The following TAFA1 variants were observed in gnomAD, a reference collection of about 807,000 sequenced individuals.
The protein encoded by TAFA1 is TAFA chemokine like family member 1.
A neutral mutation model predicts 18.5 loss-of-function variants in TAFA1; 4 were observed. The observed-to-expected ratio is 0.22, with a 90% CI of 0.11 to 0.49. TAFA1 has a LOEUF of 0.49. Ranked by LOEUF, TAFA1 falls within the 20% of genes least tolerant of loss-of-function variation. TAFA1 has a pLI of 0.98. For synonymous variants in TAFA1, 56 were observed against 55.2 expected, an observed-to-expected ratio of 1.01 and a Z score of -0.06; for missense variants, 147 against 169.0, an observed-to-expected ratio of 0.87 and a Z score of 0.72.
At chr3:68,388,608 C>A (rs567683153) in intron 2 of TAFA1, among the ~76,000 whole-genome samples, 1 of 152,172 alleles carries the variant, frequency 6.6e-6, no homozygotes, top group African/African-American at 2.4e-5. Context: ...TTTTCCCAAC[C>A]AATTCCCACA....
chr3:68,347,740 G>A (rs1382138311), intron 2 of TAFA1, among the ~76,000 whole-genome samples: 8 of 152,204 alleles, frequency 5.3e-5, no homozygotes, highest in Non-Finnish European at 1.0e-4. Context: ...AAGAGTAGAG[G>A]CAAGAGGTTA....
intron 2 of TAFA1, among the ~76,000 whole-genome samples, chr3:68,305,609 C>A (rs575881389): frequency 6.6e-6 from 1 of 151,294 alleles, no homozygotes; most frequent in East Asian, 1.9e-4. Context: ...TAGGGATACA[C>A]TAGTAAATTT....
intron 2 of TAFA1, among the ~76,000 whole-genome samples, chr3:68,200,924 C>G (rs2066462916): frequency 6.6e-6 from 1 of 151,382 alleles, no homozygotes; most frequent in South Asian, 2.1e-4. Flanking sequence ...TCCTTTTTCT[C>G]ATTTACTAAG....
intron 3 of TAFA1, among the ~76,000 whole-genome samples, chr3:68,489,922 T>C (rs1360893526): frequency 6.6e-6 from 1 of 152,228 alleles, no homozygotes; most frequent in Non-Finnish European, 1.5e-5. Flanking sequence ...GGATGAGCCA[T>C]CTTTTTTACT....
chr3:68,386,717 G>A (rs1575824079), intron 2 of TAFA1, among the ~76,000 whole-genome samples: 1 of 152,164 alleles, frequency 6.6e-6, no homozygotes, highest in Non-Finnish European at 1.5e-5. Flanking sequence ...TTTCTTTTCT[G>A]TTGGCCTCTT....
intron 2 of TAFA1, among the ~76,000 whole-genome samples, chr3:68,328,805 A>T (rs2068815381): frequency 6.6e-6 from 1 of 152,102 alleles, no homozygotes; most frequent in African/African-American, 2.4e-5. Context: ...GCAGAAACAG[A>T]TGAACTTGAA....
At chr3:68,387,731 A>G (rs2070135332) in intron 2 of TAFA1, among the ~76,000 whole-genome samples, 1 of 152,148 alleles carries the variant, frequency 6.6e-6, no homozygotes, top group Admixed American at 6.6e-5. Flanking sequence ...GATTCCCCAT[A>G]TGAGGTCCAT....
At chr3:68,516,615 TTCTC>T (rs1352217082) in intron 3 of TAFA1, among the ~76,000 whole-genome samples, 1 of 152,314 alleles carries the variant, frequency 6.6e-6, no homozygotes, top group South Asian at 2.1e-4. Flanking sequence ...CACTGGTTCT[TTCTC>T]TCTCCTGCTG....
At chr3:68,118,327 T>C (rs1486053909) in intron 2 of TAFA1, among the ~76,000 whole-genome samples, 1 of 152,102 alleles carries the variant, frequency 6.6e-6, no homozygotes, top group Non-Finnish European at 1.5e-5. Context: ...AATCTAATAC[T>C]GCCACTGATC....
intron 2 of TAFA1, among the ~76,000 whole-genome samples, chr3:68,374,902 A>G (rs2069778545): frequency 1.3e-5 from 2 of 151,576 alleles, no homozygotes; most frequent in East Asian, 2.0e-4. Flanking sequence ...AACACCTCTT[A>G]TCTCTTGCCT....
intron 2 of TAFA1, among the ~76,000 whole-genome samples, chr3:68,086,632 T>A (rs992028271): frequency 1.3e-5 from 2 of 152,202 alleles, no homozygotes; most frequent in African/African-American, 4.8e-5. Context: ...CTTTATTCTA[T>A]AATGAGAATG....
At chr3:68,418,098 T>G (rs773298951) in intron 3 of TAFA1, among the ~76,000 whole-genome samples, 5 of 152,236 alleles carry the variant, frequency 3.3e-5, no homozygotes, top group East Asian at 1.9e-4. Context: ...GATTTTGGAC[T>G]GAGGCTCTAG....
intron 2 of TAFA1, among the ~76,000 whole-genome samples, chr3:68,096,064 C>T (rs1245262282): frequency 6.6e-6 from 1 of 151,950 alleles, no homozygotes; most frequent in East Asian, 1.9e-4. Flanking sequence ...TTTCATTCTC[C>T]CCCTCCCACT....
chr3:68,160,115 G>A (rs1309372157), intron 2 of TAFA1, among the ~76,000 whole-genome samples: 1 of 152,134 alleles, frequency 6.6e-6, no homozygotes, highest in African/African-American at 2.4e-5. Context: ...CAAGGTCAGT[G>A]GTATGATCTT....
chr3:68,022,117 C>T (rs1704703911), intron 2 of TAFA1, among the ~76,000 whole-genome samples: 2 of 152,080 alleles, frequency 1.3e-5, no homozygotes, highest in African/African-American at 2.4e-5. Flanking sequence ...CCAAAACAAA[C>T]TAGATTTAAT....
At chr3:68,363,489 G>C (rs1202971463) in intron 2 of TAFA1, among the ~76,000 whole-genome samples, 2 of 152,108 alleles carry the variant, frequency 1.3e-5, no homozygotes, top group Non-Finnish European at 2.9e-5. Context: ...ACTTTTCTAA[G>C]GCCTCCCAGC....
rs796208239 is a variant in TAFA1, at chr3:68,272,547, GAAA to G, written c.119-144731_119-144729del. 8.1e-4 allele frequency among the ~76,000 whole-genome samples: 124 copies of G among 152,220 alleles called. 1 individual carries two copies. The highest frequency in any genetic ancestry group is 3.4e-3 in the Middle Eastern group (1 of 294). ...ACATAATGATTCAATGCAAATTAGGGAAAACAGCACTTTTATTCTGTTTTTAAG... is the reference window on the plus strand; with the variant it reads ...ACATAATGATTCAATGCAAATTAGGGACAGCACTTTTATTCTGTTTTTAAG... On this transcript the variant is annotated intron_variant, in intron 2 of 4. Coordinates refer to ENST00000478136, the MANE Select transcript of TAFA1 (RefSeq NM_213609.4).
chr3:68,498,721 GCTTTTTTTTTTT>G (rs2072597982), intron 3 of TAFA1, among the ~76,000 whole-genome samples: 1 of 101,722 alleles, frequency 9.8e-6, no homozygotes, highest in African/African-American at 5.3e-5. Context: ...CCGTTTGGTG[GCTTTTTTTTTTT>G]TTTTTTTTTT....
intron 2 of TAFA1, among the ~76,000 whole-genome samples, chr3:68,074,785 A>C (rs918835021): frequency 6.6e-6 from 1 of 152,186 alleles, no homozygotes; most frequent in African/African-American, 2.4e-5. Context: ...CTTTGGATAA[A>C]TTGCTTCAAT....
Sources: allele counts gnomAD v4.1 joint callset (sites outside exome capture counted in the v4.1 genomes callset), GRCh38; gene constraint gnomAD v4.1.1; transcripts MANE v1.5; gene names NCBI Gene and HGNC (gene_info 2026-07-23, HGNC 2026-07-21).